CSRNP3: variants seen among roughly 807,000 people sequenced by gnomAD.
The protein encoded by CSRNP3 is cysteine and serine rich nuclear protein 3.
Under a neutral mutation model 48.0 loss-of-function variants are expected in CSRNP3, and 12 were observed. The observed-to-expected ratio is 0.25, with a 90% CI of 0.16 to 0.41. CSRNP3 has a LOEUF of 0.41. CSRNP3 is among the 10% of genes least tolerant of loss of function. CSRNP3 has a pLI of 1.00. For missense variants in CSRNP3, 580 were observed against 724.4 expected, an observed-to-expected ratio of 0.80 and a Z score of 2.29; for synonymous variants, 263 against 269.7, an observed-to-expected ratio of 0.98 and a Z score of 0.24.
intron 4 of CSRNP3, among the ~76,000 whole-genome samples, chr2:165,599,146 G>A (rs1188975536): frequency 1.3e-5 from 2 of 151,718 alleles, no homozygotes; most frequent in African/African-American, 4.8e-5. Context: ...AATCACTTGA[G>A]CCCAGGAGGT....
chr2:165,532,475 T>C (rs1284263754), intron 3 of CSRNP3, among the ~76,000 whole-genome samples: 2 of 151,570 alleles, frequency 1.3e-5, no homozygotes, highest in Admixed American at 1.3e-4. Flanking sequence ...ATTATCTCAA[T>C]AGATGCAGAA....
chr2:165,686,903 A>T lies in CSRNP3; in HGVS notation c.*7150A>T, dbSNP rs1001670701. On this transcript the variant is annotated 3_prime_UTR_variant, in exon 7 of 7. Coordinates refer to ENST00000651982, the MANE Select transcript of CSRNP3 (RefSeq NM_001172173.2). ...TATTCTTCAAATTTATGGTCCTGAGACTAGGAGGGATCTCCAGAGGTCATA... is the reference window on the plus strand; with the variant it reads ...TATTCTTCAAATTTATGGTCCTGAGTCTAGGAGGGATCTCCAGAGGTCATA... 1.3e-5 allele frequency: 2 copies of T among 152,090 alleles called. No individual in the cohort carries two copies. Among genetic ancestry groups the T allele is most frequent in the African/African-American group, 4.8e-5 (2 of 41,438 alleles). 9.4% of individuals were successfully genotyped at this position (152,090 alleles called of 1,614,324 possible).
chr2:165,531,337 C>G (rs1684809255), intron 3 of CSRNP3, among the ~76,000 whole-genome samples: 1 of 152,108 alleles, frequency 6.6e-6, no homozygotes, highest in African/African-American at 2.4e-5. Context: ...AGTTTGACAC[C>G]AATCCATACT....
chr2:165,471,939 G>A (rs1476460469), intron 1 of CSRNP3, among the ~76,000 whole-genome samples: 1 of 152,010 alleles, frequency 6.6e-6, no homozygotes, highest in Non-Finnish European at 1.5e-5. Flanking sequence ...TGAAAACCAT[G>A]TAAGGCTTTC....
chr2:165,511,287 AC>A (rs1684502325), intron 2 of CSRNP3, among the ~76,000 whole-genome samples: 1 of 152,204 alleles, frequency 6.6e-6, no homozygotes, highest in African/African-American at 2.4e-5. Flanking sequence ...TAAAAAACAG[AC>A]CAGAGAATTA....
At chr2:165,473,356 GT>G (rs1404515957) in intron 1 of CSRNP3, among the ~76,000 whole-genome samples, 2 of 152,004 alleles carry the variant, frequency 1.3e-5, no homozygotes, top group African/African-American at 4.8e-5. Flanking sequence ...AAATATGCTA[GT>G]TTGGCAAATA....
intron 2 of CSRNP3, among the ~76,000 whole-genome samples, chr2:165,501,949 A>G (rs1335092817): frequency 1.3e-5 from 2 of 152,138 alleles, no homozygotes; most frequent in African/African-American, 4.8e-5. Flanking sequence ...TAAATTTATT[A>G]CTAAATCAGA....
chr2:165,488,775 T>A (rs1684158665), intron 1 of CSRNP3, among the ~76,000 whole-genome samples: 1 of 116,228 alleles, frequency 8.6e-6, no homozygotes, highest in Non-Finnish European at 1.7e-5. Flanking sequence ...CATACCAGAA[T>A]CTCTGGGACG....
chr2:165,474,665 T>C, intron 1 of CSRNP3, among the ~76,000 whole-genome samples: 1 of 152,204 alleles, frequency 6.6e-6, no homozygotes, highest in East Asian at 1.9e-4. Flanking sequence ...AGCAAGACAC[T>C]ATGTGTTTGT....
rs71393687 is a variant in CSRNP3, at chr2:165,668,401, CTTTTTTTTTT to C, written c.409-7900_409-7891del. Among the ~76,000 whole-genome samples, 6 of 111,504 alleles carry C rather than the reference CTTTTTTTTTT, an allele frequency of 5.4e-5. No homozygotes were observed. In the South Asian group the frequency reaches 1.9e-3, roughly 35 times the overall value. 73.2% of individuals were successfully genotyped at this position (111,504 alleles called of 152,430 possible). On this transcript the variant is annotated intron_variant, in intron 5 of 6. Transcript: ENST00000651982. ...AATCATATCCTTTCTTTCTTTCTTT[CTTTTTTTTTT>C]TTTTTTTTTTGAGACAGAGTCTCGC... is the stretch of plus-strand genomic sequence containing the variant.
rs1687549597 is a variant in CSRNP3, at chr2:165,681,790, TACAC to T, written c.*2039_*2042del. 7.4e-6 allele frequency: 1 copy of T among 135,760 alleles called. No individual in the cohort carries two copies. The highest frequency in any genetic ancestry group is 1.6e-5 in the Non-Finnish European group (1 of 64,152). 8.4% of individuals were successfully genotyped at this position (135,760 alleles called of 1,614,324 possible). ...ACACACACACACATACACATATATATACACATATATGTATGTGTGTGTGTGTGTG... is the reference window on the plus strand; with the variant it reads ...ACACACACACACATACACATATATATATATATGTATGTGTGTGTGTGTGTG... On this transcript the variant is annotated 3_prime_UTR_variant, in exon 7 of 7. Coordinates refer to ENST00000651982, the MANE Select transcript of CSRNP3 (RefSeq NM_001172173.2).
At chr2:165,469,910 T>G (rs1439454298) in intron 1 of CSRNP3, among the ~76,000 whole-genome samples, 170 bp downstream of exon 1, 1 of 152,158 alleles carries the variant, frequency 6.6e-6, no homozygotes, top group East Asian at 1.9e-4. Context: ...AGCTTGCTGT[T>G]CTTTCTCTCT....
chr2:165,508,145 T>G (rs1475185581), intron 2 of CSRNP3, among the ~76,000 whole-genome samples: 1 of 152,056 alleles, frequency 6.6e-6, no homozygotes, highest in African/African-American at 2.4e-5. Flanking sequence ...CAGCTGAACA[T>G]GAAAGTACAC....
intron 5 of CSRNP3, among the ~76,000 whole-genome samples, chr2:165,670,265 C>A (rs150963680): frequency 6.6e-6 from 1 of 152,156 alleles, no homozygotes; most frequent in South Asian, 2.1e-4. Context: ...CTGCCACCCT[C>A]CTACATAACC....
At chr2:165,583,991 G>A (rs1685587955) in intron 3 of CSRNP3, among the ~76,000 whole-genome samples, 1 of 152,090 alleles carries the variant, frequency 6.6e-6, no homozygotes, top group Non-Finnish European at 1.5e-5. Flanking sequence ...AGTAAGAGGA[G>A]GAACGCGTCC....
At chr2:165,520,470 A>G (rs1684636171) in intron 3 of CSRNP3, among the ~76,000 whole-genome samples, 1 of 152,078 alleles carries the variant, frequency 6.6e-6, no homozygotes, top group African/African-American at 2.4e-5. Context: ...TTTTGTTTTC[A>G]TTGAGGATAA....
intron 4 of CSRNP3, among the ~76,000 whole-genome samples, chr2:165,650,033 A>C (rs1179210044): frequency 1.3e-5 from 2 of 152,244 alleles, no homozygotes; most frequent in East Asian, 3.9e-4. Flanking sequence ...TTACATACTT[A>C]AGGTAATTTG....
intron 5 of CSRNP3, among the ~76,000 whole-genome samples, chr2:165,667,261 G>A (rs1019522645): frequency 1.8e-4 from 28 of 152,180 alleles, no homozygotes; most frequent in Non-Finnish European, 3.8e-4. Flanking sequence ...CCAAGATGCA[G>A]ATCTCATTCT....
chr2:165,625,039 A>G (rs1686406643), intron 4 of CSRNP3, among the ~76,000 whole-genome samples: 1 of 152,210 alleles, frequency 6.6e-6, no homozygotes, highest in Non-Finnish European at 1.5e-5. Context: ...CATGCAGAAC[A>G]ACTGAAATAA....
Sources: allele counts gnomAD v4.1 joint callset (sites outside exome capture counted in the v4.1 genomes callset), GRCh38; gene constraint gnomAD v4.1.1; transcripts MANE v1.5; gene names NCBI Gene and HGNC (gene_info 2026-07-23, HGNC 2026-07-21).